PHKB: variants seen among roughly 807,000 people sequenced by gnomAD.
PHKB encodes the protein phosphorylase kinase regulatory subunit beta.
PHKB carries 122 observed loss-of-function variants against 152.1 expected under a neutral mutation model. The observed-to-expected ratio is 0.80, with a 90% CI of 0.69 to 0.93. The LOEUF (loss-of-function observed/expected upper bound fraction) is 0.93, where lower values mean the gene tolerates loss of function less well. PHKB is among the 40% of genes least tolerant of loss of function. The pLI is 0.00. For synonymous variants in PHKB, 436 were observed against 464.9 expected (o/e 0.94, Z 0.80); for missense variants, 1,304 against 1,328.4 (o/e 0.98, Z 0.29).
chr16:47,526,671 A>G (rs1446902381), intron 6 of PHKB, among the ~76,000 whole-genome samples: 1 of 152,206 alleles, frequency 6.6e-6, no homozygotes, highest in Non-Finnish European at 1.5e-5. Flanking sequence ...TTTTCAAGAA[A>G]AAATGAAAAT....
chr16:47,610,806 A>T lies in PHKB; in HGVS notation c.1364-20A>T. On this transcript the variant is annotated intron_variant, in intron 13 of 30. Coordinates refer to ENST00000323584, the MANE Select transcript of PHKB (RefSeq NM_000293.3). ...ATGCAAATGCATTTTCGATAATGTC[A>T]TTCCCCTTCTTTTTTTCAGCTGATG... 1 of 1,427,166 alleles carries T rather than the reference A, an allele frequency of 7.0e-7. No individual in the cohort carries two copies. The highest frequency in any genetic ancestry group is 9.9e-7 in the Non-Finnish European group (1 of 1,010,040). 88.4% of individuals were successfully genotyped at this position (1,427,166 alleles called of 1,614,324 possible).
chr16:47,490,863 C>T (rs974855584), intron 1 of PHKB, among the ~76,000 whole-genome samples: 2 of 152,178 alleles, frequency 1.3e-5, no homozygotes, highest in African/African-American at 4.8e-5. Flanking sequence ...ACCTAGTCAA[C>T]ATGTTCACAC....
At chr16:47,491,145 G>A (rs1970143620) in intron 1 of PHKB, among the ~76,000 whole-genome samples, 1 of 152,112 alleles carries the variant, frequency 6.6e-6, no homozygotes, top group Non-Finnish European at 1.5e-5. Flanking sequence ...TTTTAATTGT[G>A]TGCCAGATAC....
intron 14 of PHKB, among the ~76,000 whole-genome samples, chr16:47,620,464 G>A (rs1443743915): frequency 6.6e-6 from 1 of 152,204 alleles, no homozygotes; most frequent in African/African-American, 2.4e-5. Context: ...ATGCAAGATT[G>A]TATTCTATTG....
chr16:47,693,037 ATC>A (rs1220575054), intron 27 of PHKB, among the ~76,000 whole-genome samples: 1 of 152,190 alleles, frequency 6.6e-6, no homozygotes, highest in Non-Finnish European at 1.5e-5. Context: ...TGAAAACAAC[ATC>A]AAGTTATTAT....
At position 47,699,492 on chromosome 16, in the gene PHKB, C is replaced by T; in HGVS notation, c.*126C>T. ...ATGCTGGGGAGGTGAATGCCACATC[C>T]TTGGCGGGGTTATGGACCTCTTGCA... On this transcript the variant is annotated 3_prime_UTR_variant, in exon 31 of 31. Coordinates refer to ENST00000323584, the MANE Select transcript of PHKB (RefSeq NM_000293.3). 1 of 1,060,716 alleles carries T rather than the reference C, an allele frequency of 9.4e-7. No individual in the cohort carries two copies. Among genetic ancestry groups the T allele is most frequent in the Admixed American group, 1.7e-5 (1 of 59,006 alleles). The allele number at this position is 1,060,716 out of a possible 1,614,324, so 65.7% of individuals were successfully genotyped here.
chr16:47,684,240 G>A (rs575666895), intron 26 of PHKB, among the ~76,000 whole-genome samples: 115 of 152,020 alleles, frequency 7.6e-4, no homozygotes, highest in African/African-American at 2.7e-3. Flanking sequence ...GGCTGAGGTG[G>A]GAGGATTGCT....
intron 14 of PHKB, among the ~76,000 whole-genome samples, chr16:47,613,778 C>T (rs544945413): frequency 8.6e-4 from 131 of 152,280 alleles, no homozygotes; most frequent in African/African-American, 2.9e-3. Context: ...TCCTTCACCC[C>T]AGTTCTTAAC....
At chr16:47,574,879 A>T (rs761359195) in intron 7 of PHKB, among the ~76,000 whole-genome samples, 5 of 152,152 alleles carry the variant, frequency 3.3e-5, no homozygotes, top group Non-Finnish European at 7.4e-5. Context: ...CTGCAAAGAA[A>T]CAGTTTCATT....
rs191201821 is a variant in PHKB at position 47,568,071 on chromosome 16, A to T, written c.711-12224A>T. On this transcript the variant is annotated intron_variant, in intron 7 of 30. Coordinates refer to ENST00000323584, the MANE Select transcript of PHKB (RefSeq NM_000293.3). ...CCGACTTTGTAGAATGAGTGAGGGA[A>T]TCCTGCTCTGTCTTTTGGAATAGTT... 1.9e-3 allele frequency among the ~76,000 whole-genome samples: 291 copies of T among 152,002 alleles called. 1 individual carries two copies. The highest frequency in any genetic ancestry group is 3.6e-3 in the Non-Finnish European group (242 of 67,852).
chr16:47,669,449 G>C, intron 26 of PHKB, 32 bp downstream of exon 26: 1 of 1,597,460 alleles, frequency 6.3e-7, no homozygotes, highest in African/African-American at 1.3e-5. Context: ...TGCATAAAGA[G>C]AATTGTTCAA....
intron 1 of PHKB, chr16:47,463,828 T>A (rs1165779709): frequency 9.7e-7 from 1 of 1,033,618 alleles, no homozygotes; most frequent in African/African-American, 1.6e-5. Flanking sequence ...TAATAACTGC[T>A]CACACTGCTT....
chr16:47,667,593 C>T (rs886447761), intron 25 of PHKB, among the ~76,000 whole-genome samples: 4 of 152,090 alleles, frequency 2.6e-5, no homozygotes, highest in Non-Finnish European at 4.4e-5. Context: ...CTTTTCTCAC[C>T]AGAATTCTCA....
At chr16:47,525,457 C>G (rs538251898) in intron 6 of PHKB, among the ~76,000 whole-genome samples, 85 of 152,284 alleles carry the variant, frequency 5.6e-4, no homozygotes, top group African/African-American at 1.9e-3. Context: ...GGGAAAAGCA[C>G]TGTTTGAAGA....
At chr16:47,599,363 T>G (rs1972180462) in intron 13 of PHKB, among the ~76,000 whole-genome samples, 1 of 152,144 alleles carries the variant, frequency 6.6e-6, no homozygotes, top group Non-Finnish European at 1.5e-5. Flanking sequence ...TTAGTACAAC[T>G]AGAAAGAATG....
At chr16:47,617,613 T>C (rs183774585) in intron 14 of PHKB, among the ~76,000 whole-genome samples, 6 of 152,314 alleles carry the variant, frequency 3.9e-5, no homozygotes, top group African/African-American at 1.4e-4. Flanking sequence ...TTCATTAATA[T>C]GGTGTTTTTC....
intron 26 of PHKB, among the ~76,000 whole-genome samples, chr16:47,680,802 C>A (rs1343321416): frequency 6.6e-6 from 1 of 151,956 alleles, no homozygotes; most frequent in Non-Finnish European, 1.5e-5. Flanking sequence ...CATTTCTTGC[C>A]TTCTGCTAGC....
chr16:47,504,411 C>A (rs1203887653), intron 4 of PHKB, among the ~76,000 whole-genome samples: 2 of 152,184 alleles, frequency 1.3e-5, no homozygotes, highest in Non-Finnish European at 2.9e-5. Flanking sequence ...GTAGTATCAA[C>A]CATATTGTTA....
chr16:47,572,429 T>G (rs915495955), intron 7 of PHKB, among the ~76,000 whole-genome samples: 1 of 152,228 alleles, frequency 6.6e-6, no homozygotes, highest in African/African-American at 2.4e-5. Context: ...ATGTGACTAT[T>G]TATTTATGAT....
Sources: allele counts gnomAD v4.1 joint callset (sites outside exome capture counted in the v4.1 genomes callset), GRCh38; gene constraint gnomAD v4.1.1; transcripts MANE v1.5; gene names NCBI Gene and HGNC (gene_info 2026-07-23, HGNC 2026-07-21).